NPAS3: variants seen among roughly 807,000 people sequenced by gnomAD.
The protein encoded by NPAS3 is neuronal PAS domain protein 3, also known as neuronal PAS domain-containing protein 3.
A neutral mutation model predicts 73.1 loss-of-function variants in NPAS3; 14 were observed. That is an observed-to-expected ratio of 0.19 (90% CI 0.13 to 0.30). NPAS3 has a LOEUF of 0.30. NPAS3 is among the 10% of genes least tolerant of loss of function. The pLI is 1.00. For synonymous variants in NPAS3, 620 were observed against 541.5 expected, an observed-to-expected ratio of 1.14 and a Z score of -2.01; for missense variants, 1,096 against 1,250.0, an observed-to-expected ratio of 0.88 and a Z score of 1.86.
At chr14:33,486,474 T>C (rs1419567897) in intron 4 of NPAS3, among the ~76,000 whole-genome samples, 2 of 152,158 alleles carry the variant, frequency 1.3e-5, no homozygotes, top group African/African-American at 4.8e-5. Context: ...GAAGCAACCC[T>C]GGGCTAACAG....
chr14:33,278,595 T>TA (rs2041447390), intron 3 of NPAS3, among the ~76,000 whole-genome samples: 1 of 152,012 alleles, frequency 6.6e-6, no homozygotes, highest in Admixed American at 6.6e-5. Flanking sequence ...TTTGAGGATA[T>TA]AAAAACCACT....
At chr14:33,497,820 G>C (rs776451114) in intron 4 of NPAS3, among the ~76,000 whole-genome samples, 13 of 151,998 alleles carry the variant, frequency 8.6e-5, no homozygotes, top group Non-Finnish European at 1.8e-4. Context: ...CAAAAGCAAT[G>C]GCAACAAAAG....
chr14:33,036,019 A>G (rs1259736871), intron 1 of NPAS3, among the ~76,000 whole-genome samples: 2 of 152,150 alleles, frequency 1.3e-5, no homozygotes, highest in South Asian at 2.1e-4. Context: ...ATCCTTTACA[A>G]TCTAGGTACA....
intron 1 of NPAS3, among the ~76,000 whole-genome samples, chr14:33,024,114 A>G (rs2039708482): frequency 6.7e-6 from 1 of 149,578 alleles, no homozygotes; most frequent in Non-Finnish European, 1.5e-5. Flanking sequence ...GTGTATATAT[A>G]TGTGTATATA....
chr14:33,045,268 GT>G (rs1310620211), intron 1 of NPAS3, among the ~76,000 whole-genome samples: 2 of 152,168 alleles, frequency 1.3e-5, no homozygotes, highest in African/African-American at 4.8e-5. Context: ...AGGAAAAGGA[GT>G]TGGAAAGTTG....
intron 1 of NPAS3, among the ~76,000 whole-genome samples, chr14:32,971,024 C>G (rs2037397811): frequency 6.6e-6 from 1 of 151,932 alleles, no homozygotes; most frequent in East Asian, 1.9e-4. Flanking sequence ...GTATGGCACT[C>G]TCTCTTCTCT....
chr14:33,135,176 G>A (rs1595522089), intron 2 of NPAS3, among the ~76,000 whole-genome samples: 1 of 152,194 alleles, frequency 6.6e-6, no homozygotes, highest in Admixed American at 6.5e-5. Flanking sequence ...TCAGTTGGCT[G>A]TATGCCAGCA....
chr14:33,281,725 C>T (rs1221119786), intron 3 of NPAS3, among the ~76,000 whole-genome samples: 1 of 152,122 alleles, frequency 6.6e-6, no homozygotes, highest in Non-Finnish European at 1.5e-5. Flanking sequence ...CACAATTTTC[C>T]TGGTTTGTTA....
chr14:33,302,887 G>A (rs1358437543), intron 3 of NPAS3, among the ~76,000 whole-genome samples: 1 of 151,620 alleles, frequency 6.6e-6, no homozygotes, highest in Non-Finnish European at 1.5e-5. Flanking sequence ...GGTTGTGCTA[G>A]GAAGTGCCTA....
intron 2 of NPAS3, among the ~76,000 whole-genome samples, chr14:33,081,065 GATGTACA>G (rs1307015570): frequency 1.3e-5 from 2 of 152,134 alleles, no homozygotes; most frequent in Non-Finnish European, 2.9e-5. Flanking sequence ...CTAATAAGCT[GATGTACA>G]ATGTGAAATG....
chr14:33,352,043 TAA>T (rs11355090), intron 3 of NPAS3, among the ~76,000 whole-genome samples: 2 of 149,248 alleles, frequency 1.3e-5, no homozygotes, highest in African/African-American at 4.9e-5. Flanking sequence ...CTTAACGTGT[TAA>T]AAAAAAAACA....
At chr14:33,589,387 G>A (rs1003568587) in intron 5 of NPAS3, among the ~76,000 whole-genome samples, 29 of 152,268 alleles carry the variant, frequency 1.9e-4, no homozygotes, top group African/African-American at 7.0e-4. Context: ...TGGTAAAAAA[G>A]CACCTCCCTT....
intron 6 of NPAS3, among the ~76,000 whole-genome samples, chr14:33,713,952 G>A (rs775589626): frequency 2.6e-5 from 4 of 151,940 alleles, no homozygotes; most frequent in South Asian, 4.2e-4. Context: ...CTGGACTCTT[G>A]TACAGGCTGT....
intron 2 of NPAS3, among the ~76,000 whole-genome samples, chr14:33,074,210 T>C (rs1217327739): frequency 6.6e-6 from 1 of 152,220 alleles, no homozygotes; most frequent in Non-Finnish European, 1.5e-5. Context: ...TGGATTATTA[T>C]AAGAAATGGC....
chr14:33,185,926 G>A (rs771468228), intron 2 of NPAS3, among the ~76,000 whole-genome samples: 8 of 152,164 alleles, frequency 5.3e-5, no homozygotes. Context: ...GAGACCTGAA[G>A]TGATTAAGAA....
chr14:33,599,507 A>G (rs1327924743), intron 5 of NPAS3, among the ~76,000 whole-genome samples: 1 of 152,172 alleles, frequency 6.6e-6, no homozygotes, highest in Non-Finnish European at 1.5e-5. Flanking sequence ...TATGGACTAA[A>G]TTTGTCATTA....
At chr14:33,727,400 T>C (rs1309941023) in intron 6 of NPAS3, among the ~76,000 whole-genome samples, 1 of 152,182 alleles carries the variant, frequency 6.6e-6, no homozygotes, top group Non-Finnish European at 1.5e-5. Context: ...AATATATTTG[T>C]AGCTCATAAT....
chr14:33,368,829 T>C (rs776443711), intron 4 of NPAS3, among the ~76,000 whole-genome samples: 62 of 152,330 alleles, frequency 4.1e-4, no homozygotes, highest in Non-Finnish European at 7.6e-4. Flanking sequence ...TTATAGGTTT[T>C]GTATGGACCG....
At chr14:33,726,955 T>C (rs751509687) in intron 6 of NPAS3, among the ~76,000 whole-genome samples, 1 of 152,128 alleles carries the variant, frequency 6.6e-6, no homozygotes, top group Non-Finnish European at 1.5e-5. Flanking sequence ...CACTGCCTGA[T>C]TTTTCACCCT....
Sources: allele counts gnomAD v4.1 joint callset (sites outside exome capture counted in the v4.1 genomes callset), GRCh38; gene constraint gnomAD v4.1.1; transcripts MANE v1.5; gene names NCBI Gene and HGNC (gene_info 2026-07-23, HGNC 2026-07-21).